Variants in OSBPL1A observed in about 807,000 individuals in gnomAD.
OSBPL1A encodes oxysterol binding protein like 1A.
In OSBPL1A, 80 loss-of-function variants were observed where a neutral mutation model predicts 137.1. The observed-to-expected ratio is 0.58, with a 90% CI of 0.49 to 0.70. OSBPL1A has a LOEUF of 0.70. OSBPL1A is among the 30% of genes least tolerant of loss of function. The probability of loss-of-function intolerance (pLI) is 0.00; values close to 1 mark genes in which losing one functional copy is unlikely to be tolerated. For synonymous variants in OSBPL1A, 365 were observed against 389.7 expected (o/e 0.94, Z 0.75); for missense variants, 970 against 1,129.4 (o/e 0.86, Z 2.02).
chr18:24,397,258 T>C (rs1907817458), intron 1 of OSBPL1A, among the ~76,000 whole-genome samples: 1 of 152,196 alleles, frequency 6.6e-6, no homozygotes, highest in Non-Finnish European at 1.5e-5. Flanking sequence ...GTGACTTCCA[T>C]TGTGCATCAA....
In OSBPL1A at chr18:24,230,220, A is replaced by G. The variant is rs183322331; in HGVS notation, c.1445-5022T>C. Among the ~76,000 whole-genome samples the G allele has an allele frequency of 2.1e-3, 318 of 152,240 alleles. 1 individual carries two copies. The highest frequency in any genetic ancestry group is 1.4e-3 in the Non-Finnish European group (95 of 68,022). On this transcript the variant is annotated intron_variant, in intron 16 of 27. Coordinates refer to ENST00000319481, the MANE Select transcript of OSBPL1A (RefSeq NM_080597.4). The stretch of plus-strand genomic sequence containing the variant: ...TCTTGCAGTAGGGTTAGGCCACGAC[A>G]CTCAGGCTTTCAGGACAAACAAGGA...
intron 5 of OSBPL1A, among the ~76,000 whole-genome samples, chr18:24,334,796 T>C (rs1180481125): frequency 1.3e-5 from 2 of 152,242 alleles, no homozygotes; most frequent in Non-Finnish European, 2.9e-5. Flanking sequence ...TATGTATATA[T>C]GTTGAGAAAG....
Position 24,303,714 on chromosome 18 carries a change from G to T in OSBPL1A, c.1097C>A (p.Ala366Glu), listed in dbSNP as rs774307233. The change falls in exon 14 of 28, where the codon GCA becomes GAA. Residue 366 changes from alanine to glutamate, a missense_variant. Ala to Glu is a moderately radical substitution (Grantham distance 107). This residue lies in a region of OSBPL1A where 647 missense variants were observed against 672.6 expected (regional missense o/e 0.96). Transcript: ENST00000319481. ...ATCTAGTCGCTGTTGGCATGACTGT[G>T]CTTTCTGCAAAAAAAGAAAAGACAA... ...AADLKKSLEK[A>E]QSCQQRLDRE... 2 of 1,611,942 alleles carry T rather than the reference G, an allele frequency of 1.2e-6. No individual in the cohort carries two copies. Among genetic ancestry groups the T allele is most frequent in the South Asian group, 1.1e-5 (1 of 90,870 alleles).
At chr18:24,223,087 G>A (rs1599519612) in intron 17 of OSBPL1A, among the ~76,000 whole-genome samples, 1 of 152,044 alleles carries the variant, frequency 6.6e-6, no homozygotes, top group Non-Finnish European at 1.5e-5. Context: ...CCCAGGTCAT[G>A]TAGCAACATA....
At chr18:24,381,089 T>G (rs1478747490) in intron 1 of OSBPL1A, among the ~76,000 whole-genome samples, 8 of 152,126 alleles carry the variant, frequency 5.3e-5, no homozygotes, top group African/African-American at 1.4e-4. Context: ...AGGAAAGACT[T>G]TATTCAGGAC....
In OSBPL1A at chr18:24,171,465, T is replaced by G. The variant is rs761339298; in HGVS notation, c.2235A>C (p.Pro745=). Residue 745 remains proline (P), a synonymous_variant, in exon 23 of 28, where the codon CCA becomes CCC. Coordinates refer to ENST00000319481, the MANE Select transcript of OSBPL1A (RefSeq NM_080597.4). The part of the protein sequence containing the change: ...TGDKCVLNFK[P]CGLFGKELHK... ...GTAATTCCTTACCAAAAAGGCCACA[T>G]GGCTTAAAATTCAACACACATTTGT... 39 of 1,613,754 alleles carry G rather than the reference T, an allele frequency of 2.4e-5. No homozygotes were observed. Among genetic ancestry groups the G allele is most frequent in the Non-Finnish European group, 1.7e-6 (2 of 1,179,836 alleles).
In OSBPL1A at chr18:24,356,617, T is replaced by G. The variant is rs115746477; in HGVS notation, c.282+10275A>C. ...GAATATGAAATTGGAATAGACACAC[T>G]TAGTTGTTGGTACAACCCTCACATT... is the stretch of plus-strand genomic sequence containing the variant. On this transcript the variant is annotated intron_variant, in intron 4 of 27. Coordinates refer to ENST00000319481, the MANE Select transcript of OSBPL1A (RefSeq NM_080597.4). Among the ~76,000 whole-genome samples the G allele has an allele frequency of 6.4e-3, 976 of 152,286 alleles. 9 individuals are homozygous for G. Among genetic ancestry groups the G allele is most frequent in the African/African-American group, 0.022 (932 of 41,550 alleles).
chr18:24,189,655 T>TC (rs1361619417), intron 18 of OSBPL1A, among the ~76,000 whole-genome samples: 9 of 152,072 alleles, frequency 5.9e-5, no homozygotes, highest in East Asian at 1.9e-4. Context: ...GCTGCTCAGT[T>TC]CCCCCCGCTC....
chr18:24,289,624 T>C (rs903924624), intron 14 of OSBPL1A, among the ~76,000 whole-genome samples: 1 of 152,196 alleles, frequency 6.6e-6, no homozygotes, highest in Admixed American at 6.5e-5. Flanking sequence ...TTTCGCCATG[T>C]TGGGCAGGCT....
At chr18:24,264,368 A>G (rs2089518105) in intron 15 of OSBPL1A, among the ~76,000 whole-genome samples, 1 of 152,190 alleles carries the variant, frequency 6.6e-6, no homozygotes, top group South Asian at 2.1e-4. Context: ...GGGCAAAATA[A>G]TCATGTTGTT....
chr18:24,177,464 A>C (rs1034910214), intron 21 of OSBPL1A, among the ~76,000 whole-genome samples: 9 of 151,996 alleles, frequency 5.9e-5, no homozygotes, highest in Admixed American at 3.9e-4. Context: ...GCTACTATCT[A>C]CTTTTCAGAG....
intron 7 of OSBPL1A, chr18:24,321,614 G>A (rs2090859577): frequency 4.2e-6 from 2 of 475,000 alleles, no homozygotes; most frequent in East Asian, 1.2e-4. Context: ...ATTTACAATG[G>A]TTCTATGAGG....
At chr18:24,172,224 C>A in intron 22 of OSBPL1A, 152 bp downstream of exon 22, 1 of 579,254 alleles carries the variant, frequency 1.7e-6, no homozygotes, top group Middle Eastern at 4.2e-4. Flanking sequence ...CAGGCGTGAG[C>A]CACCGCGCCC....
chr18:24,167,813 A>G (rs1371167808), intron 24 of OSBPL1A, among the ~76,000 whole-genome samples: 1 of 152,240 alleles, frequency 6.6e-6, no homozygotes, highest in Non-Finnish European at 1.5e-5. Flanking sequence ...ATACATATAC[A>G]CTTACAAATT....
At chr18:24,382,201 C>T (rs2146210014) in intron 1 of OSBPL1A, among the ~76,000 whole-genome samples, 1 of 146,114 alleles carries the variant, frequency 6.8e-6, no homozygotes, top group Admixed American at 7.0e-5. Flanking sequence ...GAGTTCGAGA[C>T]CATCCTGGCC....
chr18:24,241,481 A>C (rs1257054223), intron 15 of OSBPL1A, among the ~76,000 whole-genome samples: 1 of 152,264 alleles, frequency 6.6e-6, no homozygotes, highest in African/African-American at 2.4e-5. Context: ...ATGAAGAGAC[A>C]CTTCTCAAAA....
intron 20 of OSBPL1A, 21 bp from the exon 21 acceptor site, chr18:24,178,216 AAAAAG>A: frequency 1.3e-6 from 2 of 1,522,170 alleles, no homozygotes; most frequent in Non-Finnish European, 1.8e-6. Context: ...AAAAAAAAAA[AAAAAG>A]AAAAAAAAAA....
At chr18:24,238,320 AT>A (rs1450473671) in intron 16 of OSBPL1A, among the ~76,000 whole-genome samples, 2 of 148,982 alleles carry the variant, frequency 1.3e-5, no homozygotes, top group Non-Finnish European at 2.9e-5. Context: ...CCATACAACA[AT>A]TAATTTTTCT....
chr18:24,194,486 A>G (rs574020339), intron 18 of OSBPL1A, among the ~76,000 whole-genome samples: 1 of 152,214 alleles, frequency 6.6e-6, no homozygotes, highest in South Asian at 2.1e-4. Context: ...GACTCTGCAG[A>G]ATACAAATAA....
Sources: gnomAD v4.1 joint callset for allele counts (sites outside exome capture counted in the v4.1 genomes callset) on GRCh38, gnomAD v4.1.1 for gene constraint, gnomAD v4.1.1 regional missense constraint, MANE v1.5 for transcripts, NCBI Gene and HGNC (gene_info 2026-07-23, HGNC 2026-07-21) for gene names.